The following KRAS variants were observed in gnomAD, a reference collection of about 807,000 sequenced individuals.
KRAS encodes GTPase KRas.
A neutral mutation model predicts 21.0 loss-of-function variants in KRAS; 1 was observed. That is an observed-to-expected ratio of 0.05 (90% CI 0.02 to 0.23). The LOEUF is 0.23. Among genes scored for constraint, KRAS ranks in the 10% least tolerant of loss-of-function variants. KRAS has a pLI of 1.00. For missense variants in KRAS, 107 were observed against 221.8 expected, an observed-to-expected ratio of 0.48 and a Z score of 3.29; for synonymous variants, 67 against 72.5, an observed-to-expected ratio of 0.92 and a Z score of 0.39.
At chr12:25,236,608 T>C (rs912120951) in intron 2 of KRAS, among the ~76,000 whole-genome samples, 8 of 151,928 alleles carry the variant, frequency 5.3e-5, no homozygotes, top group African/African-American at 1.9e-4. Context: ...TTTTGACTTC[T>C]ATAAATGTTA....
intron 2 of KRAS, among the ~76,000 whole-genome samples, chr12:25,232,836 C>T (rs1951491656): frequency 1.3e-5 from 2 of 152,112 alleles, no homozygotes; most frequent in Admixed American, 1.3e-4. Flanking sequence ...AGACAGAATT[C>T]AAACATTTCT....
rs1024868410 is a variant in KRAS at position 25,210,003 on chromosome 12, A to G, written c.451-92T>C. On this transcript the variant is annotated intron_variant, in intron 4 of 4. Transcript: ENST00000311936. Reference sequence around the variant, plus strand: ...TTCATTAATGGAAAAAATATTAAGAAAGGATTCTTTATGTTTCTCTTCAGG... The same window carrying G: ...TTCATTAATGGAAAAAATATTAAGAGAGGATTCTTTATGTTTCTCTTCAGG... 6.5e-6 allele frequency: 6 copies of G among 928,762 alleles called. No homozygotes were observed. The African/African-American group carries it at 1.0e-4, about 16-fold the overall frequency. The allele number at this position is 928,762 out of a possible 1,614,324, so 57.5% of individuals were successfully genotyped here. A position where few individuals can be genotyped will look rare whatever the true frequency, so the allele number is the denominator to read the frequency against.
At position 25,207,965 on chromosome 12, in the gene KRAS, A is replaced by C; in HGVS notation, c.*1830T>G. ...TGCATCAAGTCATGGGGCATGTGGA[A>C]GGTAGGGAGGCAAGATGACACTAAT... On this transcript the variant is annotated 3_prime_UTR_variant, in exon 5 of 5. Coordinates refer to ENST00000311936, the MANE Select transcript of KRAS (RefSeq NM_004985.5). 4.3e-6 allele frequency: 1 copy of C among 233,220 alleles called. No homozygotes were observed. The highest frequency in any genetic ancestry group is 8.5e-6 in the Non-Finnish European group (1 of 118,020). 14.4% of individuals were successfully genotyped at this position (233,220 alleles called of 1,614,324 possible). A position where few individuals can be genotyped will look rare whatever the true frequency, so the allele number is the denominator to read the frequency against.
At chr12:25,229,416 T>A (rs1394417202) in intron 2 of KRAS, among the ~76,000 whole-genome samples, 2 of 152,324 alleles carry the variant, frequency 1.3e-5, no homozygotes, top group East Asian at 3.9e-4. Flanking sequence ...AACAGCCAGA[T>A]GGATATCTCT....
chr12:25,209,680 T>C lies in KRAS; in HGVS notation c.*115A>G, dbSNP rs1951182273. On this transcript the variant is annotated 3_prime_UTR_variant, in exon 5 of 5. Coordinates refer to ENST00000311936, the MANE Select transcript of KRAS (RefSeq NM_004985.5). ...GCATTTAAGGTAAAAGCTAACAGTC[T>C]GCATGGAGCAGGAAAAAAATTAGGT... 1.4e-6 allele frequency: 2 copies of C among 1,467,896 alleles called. No individual in the cohort carries two copies. The highest frequency in any genetic ancestry group is 9.0e-7 in the Non-Finnish European group (1 of 1,109,124). The allele number at this position is 1,467,896 out of a possible 1,614,324, so 90.9% of individuals were successfully genotyped here. A position where few individuals can be genotyped will look rare whatever the true frequency, so the allele number is the denominator to read the frequency against.
rs975145076 is a variant in KRAS, at chr12:25,208,665, T to C, written c.*1130A>G. 7.3e-5 allele frequency: 17 copies of C among 232,808 alleles called. No individual in the cohort carries two copies. The highest frequency in any genetic ancestry group is 4.5e-4 in the Admixed American group (8 of 17,768). The allele number at this position is 232,808 out of a possible 1,614,324, so 14.4% of individuals were successfully genotyped here. ...CACCACAGAGTGAGATTGTATCTTG[T>C]TGAGCTATCCAAACTGCCCTAGTCC... On this transcript the variant is annotated 3_prime_UTR_variant, in exon 5 of 5. Transcript: ENST00000311936.
chr12:25,223,299 A>C (rs1749782901), intron 4 of KRAS, among the ~76,000 whole-genome samples: 1 of 152,190 alleles, frequency 6.6e-6, no homozygotes, highest in Non-Finnish European at 1.5e-5. Flanking sequence ...TTGTATTTGA[A>C]AATGTTTCAT....
At chr12:25,226,196 CAA>C (rs887862179) in intron 3 of KRAS, among the ~76,000 whole-genome samples, 1 of 152,078 alleles carries the variant, frequency 6.6e-6, no homozygotes, top group African/African-American at 2.4e-5. Context: ...TTTCAAAAAA[CAA>C]AGTGGACAAC....
intron 2 of KRAS, among the ~76,000 whole-genome samples, chr12:25,229,243 C>A (rs576641508): frequency 1.2e-4 from 19 of 152,300 alleles, no homozygotes; most frequent in African/African-American, 4.1e-4. Flanking sequence ...GCTCTACCAA[C>A]TCTATTATTC....
chr12:25,226,872 TA>T (rs1374296646), intron 3 of KRAS, among the ~76,000 whole-genome samples: 2 of 152,178 alleles, frequency 1.3e-5, no homozygotes, highest in Non-Finnish European at 1.5e-5. Flanking sequence ...TTAAGACTGT[TA>T]AAGTGACACC....
At chr12:25,227,129 A>T (rs1050516250) in intron 3 of KRAS, 105 bp downstream of exon 3, 1 of 749,394 alleles carries the variant, frequency 1.3e-6, no homozygotes, top group South Asian at 2.0e-5. Context: ...AACATTATTT[A>T]AAAATTTTTA....
intron 1 of KRAS, among the ~76,000 whole-genome samples, chr12:25,249,591 CAA>C (rs71065929): frequency 9.9e-5 from 6 of 60,822 alleles, no homozygotes; most frequent in South Asian, 1.7e-3. Flanking sequence ...GACTGTGTCT[CAA>C]AAAAAAAAAA....
rs1951701388 is a variant in KRAS, at chr12:25,247,626, T to C, written c.-11-2231A>G. On this transcript the variant is annotated intron_variant, in intron 1 of 4. Transcript: ENST00000311936. ...ATAGCCTAAAACAGTTCTCAAAATG[T>C]GGTCTAGGAACCCCTCAGGTTACTA... Among the ~76,000 whole-genome samples, 4 of 152,340 alleles carry C rather than the reference T, an allele frequency of 2.6e-5. No homozygotes were observed. The South Asian group carries it at 8.3e-4, about 32-fold the overall frequency.
In KRAS at chr12:25,217,188, T is replaced by C. The variant is rs542017470; in HGVS notation, c.451-7277A>G. 2.6e-5 allele frequency among the ~76,000 whole-genome samples: 4 copies of C among 152,324 alleles called. No homozygotes were observed. In the East Asian group the frequency reaches 7.7e-4, roughly 29 times the overall value. ...AGAGAATTGGCAACTAAGTATTAGT[T>C]GAAGTAAACCAATGGCTAGGGCTTA... On this transcript the variant is annotated intron_variant, in intron 4 of 4. Coordinates refer to ENST00000311936, the MANE Select transcript of KRAS (RefSeq NM_004985.5).
intron 1 of KRAS, among the ~76,000 whole-genome samples, chr12:25,248,514 G>A (rs1951717575): frequency 6.6e-6 from 1 of 152,010 alleles, no homozygotes; most frequent in African/African-American, 2.4e-5. Context: ...AGGAAATACT[G>A]TGGACAGACA....
chr12:25,220,045 G>A (rs1951302589), intron 4 of KRAS, among the ~76,000 whole-genome samples: 1 of 152,208 alleles, frequency 6.6e-6, no homozygotes, highest in Admixed American at 6.5e-5. Context: ...AAAGCCGAAT[G>A]AGGAGTAACA....
intron 4 of KRAS, chr12:25,225,286 T>TTATA (rs68164603): frequency 2.8e-4 from 3 of 10,620 alleles, no homozygotes; most frequent in African/African-American, 1.4e-3. Context: ...GCCCTGTTCT[T>TTATA]TATATATATA....
chr12:25,216,379 AT>A (rs1951256232), intron 4 of KRAS, among the ~76,000 whole-genome samples: 2 of 152,168 alleles, frequency 1.3e-5, no homozygotes, highest in African/African-American at 4.8e-5. Context: ...AGGCTAGGTG[AT>A]CCCCCTGCCT....
chr12:25,223,132 A>G (rs1414154858), intron 4 of KRAS, among the ~76,000 whole-genome samples: 1 of 152,196 alleles, frequency 6.6e-6, no homozygotes, highest in Non-Finnish European at 1.5e-5. Flanking sequence ...AACATTATGC[A>G]AAGTCTCTTA....
Sources: allele counts gnomAD v4.1 joint callset (sites outside exome capture counted in the v4.1 genomes callset), GRCh38; gene constraint gnomAD v4.1.1; transcripts MANE v1.5; gene names NCBI Gene and HGNC (gene_info 2026-07-23, HGNC 2026-07-21).